DLGAP2: variants seen among roughly 807,000 people sequenced by gnomAD.
The protein encoded by DLGAP2 is disks large-associated protein 2.
Under a neutral mutation model 100.3 loss-of-function variants are expected in DLGAP2, and 26 were observed. The observed-to-expected ratio is 0.26, with a 90% CI of 0.19 to 0.36. The LOEUF (loss-of-function observed/expected upper bound fraction) is 0.36. Ranked by LOEUF, DLGAP2 falls within the 10% of genes least tolerant of loss-of-function variation. The probability of loss-of-function intolerance (pLI) is 1.00; values close to 1 mark genes in which losing one functional copy is unlikely to be tolerated. For synonymous variants in DLGAP2, 886 were observed against 630.1 expected (o/e 1.41, Z -6.08); for missense variants, 1,858 against 1,453.2 (o/e 1.28, Z -4.53).
intron 3 of DLGAP2, among the ~76,000 whole-genome samples, chr8:1,353,889 G>A (rs992342947): frequency 6.6e-6 from 1 of 152,020 alleles, no homozygotes; most frequent in African/African-American, 2.4e-5. Flanking sequence ...TCCCTAGAGG[G>A]GAAAAAAATC....
At chr8:905,538 T>A (rs1192031986) in intron 1 of DLGAP2, among the ~76,000 whole-genome samples, 1 of 152,116 alleles carries the variant, frequency 6.6e-6, no homozygotes, top group Non-Finnish European at 1.5e-5. Flanking sequence ...GAGGTCTGAT[T>A]GCCTGAGTCC....
chr8:1,183,340 C>T (rs970315392), intron 2 of DLGAP2, among the ~76,000 whole-genome samples: 1 of 152,066 alleles, frequency 6.6e-6, no homozygotes, highest in Admixed American at 6.5e-5. Context: ...TTGTAATTAG[C>T]CTAGCAATTA....
At chr8:1,686,979 C>T (rs1799132279) in intron 12 of DLGAP2, among the ~76,000 whole-genome samples, 1 of 151,994 alleles carries the variant, frequency 6.6e-6, no homozygotes, top group African/African-American at 2.4e-5. Flanking sequence ...TCATATGTGC[C>T]CCCAATAATA....
At chr8:826,120 T>C (rs1432017845) in intron 1 of DLGAP2, among the ~76,000 whole-genome samples, 1 of 152,210 alleles carries the variant, frequency 6.6e-6, no homozygotes, top group Non-Finnish European at 1.5e-5. Flanking sequence ...CACAATCAAC[T>C]CCAGTTCCAT....
At chr8:1,628,336 G>T (rs1043697508) in intron 7 of DLGAP2, among the ~76,000 whole-genome samples, 6 of 146,096 alleles carry the variant, frequency 4.1e-5, no homozygotes, top group African/African-American at 1.6e-4. Flanking sequence ...CATTCTCTCT[G>T]ACTTACTGTG....
At chr8:1,259,134 T>C (rs935456504) in intron 3 of DLGAP2, among the ~76,000 whole-genome samples, 15 of 152,374 alleles carry the variant, frequency 9.8e-5, no homozygotes, top group Middle Eastern at 3.4e-3. Context: ...TATTTTTGTT[T>C]GTTCTGGATT....
intron 8 of DLGAP2, among the ~76,000 whole-genome samples, chr8:1,652,379 C>T (rs907951562): frequency 6.6e-6 from 1 of 152,124 alleles, no homozygotes; most frequent in African/African-American, 2.4e-5. Context: ...GCTGAATTCC[C>T]GTGCCTAGAA....
At chr8:1,555,562 C>G (rs946312151) in intron 5 of DLGAP2, among the ~76,000 whole-genome samples, 4 of 152,204 alleles carry the variant, frequency 2.6e-5, no homozygotes, top group Admixed American at 2.6e-4. Flanking sequence ...GCTCACCGAG[C>G]CCGTTCGTGT....
chr8:1,209,841 C>A (rs955232179), intron 2 of DLGAP2, among the ~76,000 whole-genome samples: 2 of 152,170 alleles, frequency 1.3e-5, no homozygotes, highest in African/African-American at 4.8e-5. Context: ...TAGGACTCTT[C>A]CACAGAAGCC....
intron 3 of DLGAP2, among the ~76,000 whole-genome samples, chr8:1,434,977 C>T (rs530663546): frequency 9.9e-5 from 15 of 152,248 alleles, no homozygotes; most frequent in Admixed American, 9.2e-4. Context: ...TCTTGTGGAT[C>T]CAGATGTACA....
intron 1 of DLGAP2, among the ~76,000 whole-genome samples, chr8:901,349 C>T (rs952662508): frequency 6.6e-6 from 1 of 152,198 alleles, no homozygotes; most frequent in Non-Finnish European, 1.5e-5. Flanking sequence ...TGCACAAATC[C>T]ATCTATTTCT....
At chr8:1,574,515 C>T (rs1802884468) in intron 6 of DLGAP2, among the ~76,000 whole-genome samples, 1 of 152,174 alleles carries the variant, frequency 6.6e-6, no homozygotes, top group Admixed American at 6.5e-5. Flanking sequence ...CAGAATCTCC[C>T]CTCGGTGATG....
intron 3 of DLGAP2, among the ~76,000 whole-genome samples, chr8:1,391,605 G>A (rs891296075): frequency 2.2e-4 from 33 of 152,228 alleles, no homozygotes; most frequent in African/African-American, 6.5e-4. Context: ...GCCCCATGCA[G>A]AGTCCAGGAA....
intron 3 of DLGAP2, among the ~76,000 whole-genome samples, chr8:1,298,713 A>T (rs929422336): frequency 6.6e-6 from 1 of 152,202 alleles, no homozygotes; most frequent in East Asian, 1.9e-4. Context: ...TGCATGCCAG[A>T]GGGGAACTAG....
At chr8:1,196,109 G>T (rs1473389070) in intron 2 of DLGAP2, among the ~76,000 whole-genome samples, 1 of 152,096 alleles carries the variant, frequency 6.6e-6, no homozygotes, top group African/African-American at 2.4e-5. Flanking sequence ...CGATATCCAG[G>T]GCCCCGTCAC....
chr8:1,632,616 G>T (rs773817688), intron 7 of DLGAP2, among the ~76,000 whole-genome samples: 1 of 152,174 alleles, frequency 6.6e-6, no homozygotes, highest in Non-Finnish European at 1.5e-5. Context: ...TCAACACTTG[G>T]AATTGGCTGT....
intron 2 of DLGAP2, among the ~76,000 whole-genome samples, chr8:996,120 G>C (rs141686493): frequency 1.3e-3 from 198 of 152,228 alleles, no homozygotes; most frequent in African/African-American, 4.5e-3. Context: ...TGTTCTTCTG[G>C]CTCCAGGGAC....
chr8:1,587,753 T>C (rs1796169096), intron 6 of DLGAP2, among the ~76,000 whole-genome samples: 1 of 152,210 alleles, frequency 6.6e-6, no homozygotes, highest in African/African-American at 2.4e-5. Context: ...ATGTGTAAAA[T>C]TATTTAATAG....
In DLGAP2 at chr8:1,344,128, G is replaced by C. The variant is rs13271848; in HGVS notation, c.106+85245G>C. Among the ~76,000 whole-genome samples the C allele has an allele frequency of 1.4e-3, 153 of 108,006 alleles. 1 individual carries two copies. The highest frequency in any genetic ancestry group is 3.7e-3 in the East Asian group (12 of 3,226). The allele number at this position is 108,006 out of a possible 152,430, so 70.9% of individuals were successfully genotyped here. A position where few individuals can be genotyped will look rare whatever the true frequency, so the allele number is the denominator to read the frequency against. ...GGGTCCATGTATTCGGGGCCCTGTC[G>C]TGGGTCCGTGTACTCGGGGCCCTGT... On this transcript the variant is annotated intron_variant, in intron 3 of 14. Transcript: ENST00000637795.
Sources: allele counts gnomAD v4.1 joint callset (sites outside exome capture counted in the v4.1 genomes callset), GRCh38; gene constraint gnomAD v4.1.1; transcripts MANE v1.5; gene names NCBI Gene and HGNC (gene_info 2026-07-23, HGNC 2026-07-21).